The following RBM14 variants were observed in gnomAD, a reference collection of about 807,000 sequenced individuals.
RBM14 encodes the protein RNA-binding protein 14.
A neutral mutation model predicts 52.8 loss-of-function variants in RBM14; 5 were observed. The observed-to-expected ratio is 0.09, with a 90% CI of 0.05 to 0.20. The LOEUF is 0.20. Among genes scored for constraint, RBM14 ranks in the 10% least tolerant of loss-of-function variants. The pLI is 1.00. For synonymous variants in RBM14, 411 were observed against 401.8 expected (o/e 1.02, Z -0.28); for missense variants, 780 against 926.6 (o/e 0.84, Z 2.05).
In RBM14 at chr11:66,624,105, T is replaced by A. The variant is rs1418591643; in HGVS notation, c.338-109T>A. On this transcript the variant is annotated intron_variant, in intron 1 of 2. Transcript: ENST00000310137. The surrounding 1 kb of genome is among the most constrained non-coding windows in gnomAD (Gnocchi z 4.7). ...TCCTGGAGAGGAGGGTTTGGAGGCC[T>A]TGGAGGTAGCTGGCAACAGCTGGGT... The A allele has an allele frequency of 2.6e-6, 4 of 1,539,008 alleles. No individual in the cohort carries two copies. The highest frequency in any genetic ancestry group is 1.9e-5 in the Admixed American group (1 of 51,390).
At chr11:66,620,994 AT>A (rs1471309146) in intron 1 of RBM14, 1 of 151,676 alleles carries the variant, frequency 6.6e-6, no homozygotes, top group Non-Finnish European at 1.5e-5. Context: ...TTTATTTTTT[AT>A]TTAAAGATTT....
chr11:66,624,427 C>A lies in RBM14; in HGVS notation c.551C>A (p.Thr184Asn). 2 of 1,614,144 alleles carry A rather than the reference C, an allele frequency of 1.2e-6. No individual in the cohort carries two copies. Among genetic ancestry groups the A allele is most frequent in the Non-Finnish European group, 1.7e-6 (2 of 1,179,978 alleles). ...AFPGTGGFSATFDYQQAFGNS... is the reference protein window; with the variant it reads ...AFPGTGGFSANFDYQQAFGNS... ...CCTGGAACTGGTGGCTTCTCTGCCACCTTCGACTACCAGCAGGCTTTTGGC... is the reference window on the plus strand; with the variant it reads ...CCTGGAACTGGTGGCTTCTCTGCCAACTTCGACTACCAGCAGGCTTTTGGC... The change falls in exon 2 of 3, where the codon ACC (threonine) becomes AAC (asparagine). Residue 184 changes from threonine (T) to asparagine (N), a missense_variant. Thr to Asn is a moderately conservative substitution (Grantham distance 65). This residue lies in a region of RBM14 where 675 missense variants were observed against 697.3 expected (regional missense o/e 0.97). Coordinates refer to ENST00000310137, the MANE Select transcript of RBM14 (RefSeq NM_006328.4). The surrounding 1 kb of genome is among the most constrained non-coding windows in gnomAD (Gnocchi z 4.7).
chr11:66,626,837 A>T lies in RBM14; in HGVS notation c.*169A>T. 2.9e-6 allele frequency: 2 copies of T among 679,580 alleles called. No individual in the cohort carries two copies. The highest frequency in any genetic ancestry group is 4.8e-6 in the Non-Finnish European group (2 of 415,924). 42.1% of individuals were successfully genotyped at this position (679,580 alleles called of 1,614,324 possible). A position where few individuals can be genotyped will look rare whatever the true frequency, so the allele number is the denominator to read the frequency against. ...ATGATCCTGTTAAGTGTTCGGCAGT[A>T]ACCTACTTTGTTCCTTCGCCTCAGC... On this transcript the variant is annotated 3_prime_UTR_variant, in exon 3 of 3. Transcript: ENST00000310137.
At position 66,627,835 on chromosome 11, in the gene RBM14, G is replaced by A. The variant is rs1037825861; in HGVS notation, c.*1167G>A. On this transcript the variant is annotated 3_prime_UTR_variant, in exon 3 of 3. Coordinates refer to ENST00000310137, the MANE Select transcript of RBM14 (RefSeq NM_006328.4). Reference sequence around the variant, plus strand: ...CCAGTAGTGGAGTGGGGGTAATGGCGTTGCCTGATACTGCCCTATGGTTGG... The same window carrying A: ...CCAGTAGTGGAGTGGGGGTAATGGCATTGCCTGATACTGCCCTATGGTTGG... Among the ~76,000 whole-genome samples the A allele has an allele frequency of 6.6e-5, 10 of 152,128 alleles. 1 individual carries two copies. The highest frequency in any genetic ancestry group is 9.7e-5 in the African/African-American group (4 of 41,428).
chr11:66,627,068 G>C lies in RBM14; in HGVS notation c.*400G>C, dbSNP rs1284642935. ...TTCTTTTTAGATGGGAAGGAGGCCA[G>C]GAAAGGGTCAGCTTAACCATTTCCT... On this transcript the variant is annotated 3_prime_UTR_variant, in exon 3 of 3. Coordinates refer to ENST00000310137, the MANE Select transcript of RBM14 (RefSeq NM_006328.4). The C allele has an allele frequency of 5.6e-6, 1 of 177,508 alleles. No individual in the cohort carries two copies. The highest frequency in any genetic ancestry group is 1.2e-5 in the Non-Finnish European group (1 of 84,166). The allele number at this position is 177,508 out of a possible 1,614,324, so 11.0% of individuals were successfully genotyped here.
chr11:66,617,144 C>A, intron 1 of RBM14, 87 bp downstream of exon 1: 2 of 1,500,418 alleles, frequency 1.3e-6, no homozygotes, highest in Non-Finnish European at 1.8e-6. Flanking sequence ...TCGGTCACTG[C>A]GCGGTTGGGA....
In RBM14 at chr11:66,626,746, C is replaced by T. The variant is rs1197121745; in HGVS notation, c.*78C>T. ...GGGTTACAGATCCAGGTTATAACTA[C>T]TCTGGCCCATACCTTTCCTGGTTGT... is the stretch of plus-strand genomic sequence containing the variant. On this transcript the variant is annotated 3_prime_UTR_variant, in exon 3 of 3. Transcript: ENST00000310137. 3.0e-6 allele frequency: 4 copies of T among 1,344,858 alleles called. No individual in the cohort carries two copies. In the East Asian group the frequency reaches 7.5e-5, roughly 25 times the overall value. 83.3% of individuals were successfully genotyped at this position (1,344,858 alleles called of 1,614,324 possible). A position where few individuals can be genotyped will look rare whatever the true frequency, so the allele number is the denominator to read the frequency against.
Position 66,616,963 on chromosome 11 carries a change from T to C in RBM14, c.243T>C (p.Ile81=), listed in dbSNP as rs764586856. Residue 81 remains isoleucine, a synonymous_variant, in exon 1 of 3, where the codon ATT becomes ATC. Coordinates refer to ENST00000310137, the MANE Select transcript of RBM14 (RefSeq NM_006328.4). ...CAAGGCCTCTTAATACTTGGAAGAT[T>C]TTCGTGGGCAATGTGTCGGCTGCAT... ...SRPRPLNTWK[I]FVGNVSAACT... 3 of 1,612,292 alleles carry C rather than the reference T, an allele frequency of 1.9e-6. No individual in the cohort carries two copies. In the African/African-American group the frequency reaches 4.0e-5, roughly 22 times the overall value.
chr11:66,622,628 C>T (rs1434200175), intron 1 of RBM14, among the ~76,000 whole-genome samples: 2 of 152,220 alleles, frequency 1.3e-5, no homozygotes, highest in Non-Finnish European at 2.9e-5. Context: ...CTATGCCACA[C>T]TTCTGACTTC....
chr11:66,621,771 T>C (rs532190645), intron 1 of RBM14, among the ~76,000 whole-genome samples: 1 of 152,198 alleles, frequency 6.6e-6, no homozygotes, highest in Non-Finnish European at 1.5e-5. Flanking sequence ...GGGAAATAAA[T>C]CTCTGGTTAT....
chr11:66,617,650 C>G, intron 1 of RBM14: 1 of 795,404 alleles, frequency 1.3e-6, no homozygotes, highest in Non-Finnish European at 1.5e-6. Flanking sequence ...GAGAGGGGCC[C>G]CTTCCGAATC....
At chr11:66,623,107 G>C (rs937633923) in intron 1 of RBM14, among the ~76,000 whole-genome samples, 2 of 152,200 alleles carry the variant, frequency 1.3e-5, no homozygotes, top group Non-Finnish European at 2.9e-5. Context: ...AATGAGAGCT[G>C]CAGGGGTAAC....
At position 66,628,748 on chromosome 11, in the gene RBM14, A is replaced by G. The variant is rs975501890; in HGVS notation, c.*2080A>G. Among the ~76,000 whole-genome samples the G allele has an allele frequency of 6.6e-6, 1 of 152,128 alleles. No homozygotes were observed. The highest frequency in any genetic ancestry group is 1.5e-5 in the Non-Finnish European group (1 of 68,032). ...TATTACCCTGGAAAATTGAGGGTTG[A>G]TGGTAGGGTTATGATTGTGGCCTGT... On this transcript the variant is annotated 3_prime_UTR_variant, in exon 3 of 3. Coordinates refer to ENST00000310137, the MANE Select transcript of RBM14 (RefSeq NM_006328.4).
Position 66,616,648 on chromosome 11 carries a change from C to G in RBM14, c.-73C>G, listed in dbSNP as rs373228621. 2.0e-6 allele frequency: 3 copies of G among 1,489,412 alleles called. No homozygotes were observed. Among genetic ancestry groups the G allele is most frequent in the Non-Finnish European group, 9.0e-7 (1 of 1,116,730 alleles). The allele number at this position is 1,489,412 out of a possible 1,614,324, so 92.3% of individuals were successfully genotyped here. ...GCCAGCCATTCCTGAGGAGGACTGC[C>G]GGTCGTTCGGACGTCTTGCCTGTCG... On this transcript the variant is annotated 5_prime_UTR_variant, in exon 1 of 3. Transcript: ENST00000310137.
chr11:66,619,328 T>G (rs75652812), intron 1 of RBM14: 112 of 152,312 alleles, frequency 7.4e-4, no homozygotes, highest in African/African-American at 2.6e-3. Context: ...GTTGCTTGGT[T>G]ACTCCAGGAG....
Position 66,626,518 on chromosome 11 carries a change from G to A in RBM14, c.1860G>A (p.Ser620=), listed in dbSNP as rs1165934081. The part of the protein sequence containing the change: ...ELSDYRRLSE[S]QLSFRRSPTK... ...CTGATTACCGCCGTTTATCAGAGTC[G>A]CAGCTTTCGTTCCGCCGCTCGCCGA... Residue 620 remains serine (S), a synonymous_variant, in exon 3 of 3, where the codon TCG becomes TCA. Transcript: ENST00000310137. 3.7e-6 allele frequency: 6 copies of A among 1,613,922 alleles called. No individual in the cohort carries two copies. The highest frequency in any genetic ancestry group is 3.4e-6 in the Non-Finnish European group (4 of 1,180,026).
intron 1 of RBM14, among the ~76,000 whole-genome samples, chr11:66,621,108 C>G (rs1157139181): frequency 2.6e-5 from 4 of 151,974 alleles, no homozygotes; most frequent in Non-Finnish European, 4.4e-5. Context: ...TGAGCTCAAG[C>G]CATCCTTCCA....
chr11:66,621,603 C>G (rs1387142077), intron 1 of RBM14, among the ~76,000 whole-genome samples: 2 of 152,144 alleles, frequency 1.3e-5, no homozygotes, highest in Non-Finnish European at 2.9e-5. Flanking sequence ...TCTTGAACTC[C>G]TGACCTCAGG....
Position 66,625,349 on chromosome 11 carries a change from T to A in RBM14, c.1473T>A (p.Ala491=). 1.9e-6 allele frequency: 3 copies of A among 1,606,170 alleles called. 1 individual carries two copies. In the South Asian group the frequency reaches 3.3e-5, roughly 18 times the overall value. ...GLSGSYGAQS[A]AAATGSYGAA... ...CAGGCTCCTATGGGGCTCAGTCGGC[T>A]GCTGCGGCCACTGGCTCCTATGGTG... The change falls in exon 2 of 3, where the codon GCT becomes GCA. Residue 491 remains alanine, a synonymous_variant. Transcript: ENST00000310137. This position sits in a 1 kb window ranked among gnomAD's most constrained non-coding sequence, Gnocchi z 4.2.
Sources: gnomAD v4.1 joint callset for allele counts (sites outside exome capture counted in the v4.1 genomes callset) on GRCh38, gnomAD v4.1.1 for gene constraint, gnomAD v4.1.1 regional missense constraint, Gnocchi (gnomAD v3.1) non-coding constraint, MANE v1.5 for transcripts, NCBI Gene and HGNC (gene_info 2026-07-23, HGNC 2026-07-21) for gene names.